Variants in COP1 observed in about 807,000 individuals in gnomAD.
The protein encoded by COP1 is E3 ubiquitin-protein ligase COP1.
In COP1, 24 loss-of-function variants were observed where a neutral mutation model predicts 101.3. That is an observed-to-expected ratio of 0.24 (90% CI 0.17 to 0.33). COP1 has a LOEUF of 0.33. Ranked by LOEUF, COP1 falls within the 10% of genes least tolerant of loss-of-function variation. The pLI is 1.00. For synonymous variants in COP1, 347 were observed against 341.9 expected, an observed-to-expected ratio of 1.01 and a Z score of -0.17; for missense variants, 663 against 906.2, an observed-to-expected ratio of 0.73 and a Z score of 3.45.
chr1:176,025,200 C>A (rs1193633023), intron 15 of COP1, among the ~76,000 whole-genome samples: 1 of 151,974 alleles, frequency 6.6e-6, no homozygotes, highest in East Asian at 1.9e-4. Flanking sequence ...ATATTCTAAA[C>A]AGCAGAACAC....
intron 1 of COP1, among the ~76,000 whole-genome samples, chr1:176,201,186 G>A (rs923681996): frequency 1.1e-4 from 16 of 151,880 alleles, no homozygotes; most frequent in East Asian, 3.9e-4. Flanking sequence ...TCTAAAATTC[G>A]AAAACAAAAA....
Position 176,176,023 on chromosome 1 carries a change from G to GAAAAAA in COP1, c.468-22_468-17dup. On this transcript the variant is annotated splice_polypyrimidine_tract_variant and intron_variant, in intron 2 of 19. Transcript: ENST00000367669. ...ACACTTGTAGCTATTAGTAGGGGGG[G>GAAAAAA]AAAAAAAAGGCTTAATTAAATCAAT... 1.7e-6 allele frequency: 2 copies of GAAAAAA among 1,179,686 alleles called. No homozygotes were observed. The highest frequency in any genetic ancestry group is 1.2e-6 in the Non-Finnish European group (1 of 811,494). 73.1% of individuals were successfully genotyped at this position (1,179,686 alleles called of 1,614,324 possible). A position where few individuals can be genotyped will look rare whatever the true frequency, so the allele number is the denominator to read the frequency against.
rs150376318 is a variant in COP1, at chr1:176,178,659, C to T, written c.468-2652G>A. On this transcript the variant is annotated intron_variant, in intron 2 of 19. Coordinates refer to ENST00000367669, the MANE Select transcript of COP1 (RefSeq NM_022457.7). Reference sequence around the variant, plus strand: ...CTGAGGTCAGGAGTTCGAGACCAGCCTGCCCAACATGGCAAAACCCCGTCT... The same window carrying T: ...CTGAGGTCAGGAGTTCGAGACCAGCTTGCCCAACATGGCAAAACCCCGTCT... 7.7e-3 allele frequency among the ~76,000 whole-genome samples: 1,176 copies of T among 152,002 alleles called. 17 individuals are homozygous for T. The highest frequency in any genetic ancestry group is 0.026 in the African/African-American group (1,092 of 41,438).
Position 175,989,029 on chromosome 1 carries a change from A to C in COP1, c.1847+333T>G, listed in dbSNP as rs113361536. The C allele has an allele frequency of 2.2e-3, 420 of 187,996 alleles. 4 individuals are homozygous for C. The highest frequency in any genetic ancestry group is 9.3e-3 in the African/African-American group (398 of 43,022). 11.6% of individuals were successfully genotyped at this position (187,996 alleles called of 1,614,324 possible). A position where few individuals can be genotyped will look rare whatever the true frequency, so the allele number is the denominator to read the frequency against. ...AAATACTTCTCATTCTATTGCATCAACTATGTTGTTTATCTCTTCTTTAGA... is the reference window on the plus strand; with the variant it reads ...AAATACTTCTCATTCTATTGCATCACCTATGTTGTTTATCTCTTCTTTAGA... On this transcript the variant is annotated intron_variant, in intron 16 of 19. Transcript: ENST00000367669.
Position 175,995,539 on chromosome 1 carries a change from A to T in COP1, c.1730-6060T>A, listed in dbSNP as rs1659919220. ...AAGAAAAGAGAGAAGAATCAAATAG[A>T]TGCAATAAAAAATGATAAACGGGAT... is the stretch of plus-strand genomic sequence containing the variant. On this transcript the variant is annotated intron_variant, in intron 15 of 19. Transcript: ENST00000367669. Among the ~76,000 whole-genome samples the T allele has an allele frequency of 5.9e-5, 9 of 152,216 alleles. 1 individual carries two copies. In the South Asian group the frequency reaches 1.9e-3, roughly 31 times the overall value.
chr1:175,992,822 C>A (rs1265550496), intron 15 of COP1, among the ~76,000 whole-genome samples: 2 of 152,066 alleles, frequency 1.3e-5, no homozygotes, highest in Admixed American at 6.5e-5. Flanking sequence ...GGGGCAGGCA[C>A]AGACAAAAAG....
At chr1:176,118,517 C>T (rs895899865) in intron 8 of COP1, among the ~76,000 whole-genome samples, 35 of 152,156 alleles carry the variant, frequency 2.3e-4, no homozygotes, top group African/African-American at 8.0e-4. Context: ...AATCCTAGCA[C>T]TTTGGGAGGC....
chr1:176,058,895 CA>C (rs1371714749), intron 11 of COP1, among the ~76,000 whole-genome samples: 4 of 151,938 alleles, frequency 2.6e-5, no homozygotes, highest in Non-Finnish European at 1.5e-5. Context: ...GGACTTCAAA[CA>C]TATATAAACC....
At chr1:176,005,160 C>G (rs1662805684) in intron 15 of COP1, among the ~76,000 whole-genome samples, 1 of 152,144 alleles carries the variant, frequency 6.6e-6, no homozygotes, top group Admixed American at 6.5e-5. Flanking sequence ...GTAGTATTCT[C>G]TGATGGTAGT....
intron 18 of COP1, among the ~76,000 whole-genome samples, chr1:175,981,957 A>G (rs1459783177): frequency 6.6e-6 from 1 of 152,158 alleles, no homozygotes; most frequent in Non-Finnish European, 1.5e-5. Context: ...CAACTGCTAG[A>G]ATTTCTATCA....
intron 15 of COP1, among the ~76,000 whole-genome samples, chr1:176,021,255 T>A (rs1474415236): frequency 6.6e-6 from 1 of 152,194 alleles, no homozygotes; most frequent in Non-Finnish European, 1.5e-5. Flanking sequence ...CCAAATTTTA[T>A]TGGTTTTTAG....
At chr1:176,121,369 A>C (rs1687089848) in intron 8 of COP1, among the ~76,000 whole-genome samples, 2 of 152,136 alleles carry the variant, frequency 1.3e-5, no homozygotes, top group Non-Finnish European at 2.9e-5. Flanking sequence ...TTTATTCCAC[A>C]TACCCTTTAA....
chr1:176,016,594 A>G (rs977266655), intron 15 of COP1, among the ~76,000 whole-genome samples: 1 of 152,170 alleles, frequency 6.6e-6, no homozygotes, highest in Non-Finnish European at 1.5e-5. Flanking sequence ...TCTCTGAGTT[A>G]GGGGAAACTG....
intron 15 of COP1, among the ~76,000 whole-genome samples, chr1:176,015,529 C>A (rs1209271877): frequency 6.6e-6 from 1 of 152,042 alleles, no homozygotes; most frequent in African/African-American, 2.4e-5. Context: ...GGAAGACATA[C>A]AATAATTGAG....
chr1:176,196,354 TCTAG>T (rs1699696270), intron 1 of COP1, among the ~76,000 whole-genome samples: 1 of 151,994 alleles, frequency 6.6e-6, no homozygotes, highest in Non-Finnish European at 1.5e-5. Flanking sequence ...TTAATAATCC[TCTAG>T]CTAAACCATT....
chr1:176,085,943 G>T, intron 9 of COP1, 53 bp from the exon 10 acceptor site: 2 of 938,414 alleles, frequency 2.1e-6, no homozygotes, highest in Non-Finnish European at 3.3e-6. Context: ...CTCTTCTTTT[G>T]CACAGAATAC....
intron 14 of COP1, 105 bp downstream of exon 14, chr1:176,043,081 G>T: frequency 2.8e-6 from 2 of 724,160 alleles, no homozygotes; most frequent in South Asian, 1.7e-5. Context: ...AATCACAAAG[G>T]ACTGACATGA....
At chr1:176,010,194 G>A (rs906360912) in intron 15 of COP1, among the ~76,000 whole-genome samples, 13 of 151,864 alleles carry the variant, frequency 8.6e-5, no homozygotes, top group Non-Finnish European at 1.2e-4. Flanking sequence ...CCCCTGTACC[G>A]CTGAACCACT....
chr1:176,203,947 A>G (rs183258111), intron 1 of COP1, among the ~76,000 whole-genome samples: 24 of 152,286 alleles, frequency 1.6e-4, no homozygotes, highest in Admixed American at 1.4e-3. Context: ...CCAGCCTCCA[A>G]TTCAGGTACG....
Sources: gnomAD v4.1 joint callset for allele counts (sites outside exome capture counted in the v4.1 genomes callset) on GRCh38, gnomAD v4.1.1 for gene constraint, MANE v1.5 for transcripts, NCBI Gene and HGNC (gene_info 2026-07-23, HGNC 2026-07-21) for gene names.